Variants in HDAC9 observed in about 807,000 individuals in gnomAD.
HDAC9 encodes the protein histone deacetylase 9, also known as MEF-2 interacting transcription repressor (MITR) protein.
In HDAC9, 41 loss-of-function variants were observed where a neutral mutation model predicts 139.4. The observed-to-expected ratio is 0.29, with a 90% CI of 0.23 to 0.38. The LOEUF (loss-of-function observed/expected upper bound fraction) is 0.38, where lower values mean the gene tolerates loss of function less well. HDAC9 is among the 10% of genes least tolerant of loss of function. HDAC9 has a pLI of 1.00. For synonymous variants in HDAC9, 517 were observed against 476.2 expected, an observed-to-expected ratio of 1.09 and a Z score of -1.12; for missense variants, 1,147 against 1,297.0, an observed-to-expected ratio of 0.88 and a Z score of 1.78.
intron 16 of HDAC9, among the ~76,000 whole-genome samples, chr7:18,779,913 A>G (rs1791098316): frequency 6.6e-6 from 1 of 152,030 alleles, no homozygotes; most frequent in Non-Finnish European, 1.5e-5. Context: ...AAATAAAGGG[A>G]GGGAGGACAT....
At chr7:18,438,272 A>G (rs1277149319) in intron 1 of HDAC9, among the ~76,000 whole-genome samples, 1 of 152,094 alleles carries the variant, frequency 6.6e-6, no homozygotes, top group Admixed American at 6.6e-5. Context: ...AGTTAATATG[A>G]GATACCTTTA....
intron 3 of HDAC9, among the ~76,000 whole-genome samples, chr7:18,589,503 C>T (rs1830360817): frequency 6.6e-6 from 1 of 152,052 alleles, no homozygotes; most frequent in Non-Finnish European, 1.5e-5. Context: ...CACTGCAATC[C>T]AGCCTGGGCA....
chr7:18,984,365 G>T (rs1191364879), intron 25 of HDAC9, among the ~76,000 whole-genome samples: 1 of 152,106 alleles, frequency 6.6e-6, no homozygotes, highest in East Asian at 1.9e-4. Flanking sequence ...GGTAGAAAGG[G>T]ATCATGGCAC....
chr7:18,888,745 A>G (rs1227086235), intron 22 of HDAC9, among the ~76,000 whole-genome samples: 3 of 152,174 alleles, frequency 2.0e-5, no homozygotes, highest in African/African-American at 7.2e-5. Flanking sequence ...TGTAAAATAC[A>G]TATTTATTTT....
chr7:18,169,898 C>G (rs371562223), intron 2 of HDAC9, among the ~76,000 whole-genome samples: 4 of 152,134 alleles, frequency 2.6e-5, no homozygotes, highest in Non-Finnish European at 2.9e-5. Context: ...TTTGCTATTG[C>G]GAATAGTGCC....
intron 1 of HDAC9, among the ~76,000 whole-genome samples, chr7:18,398,510 C>T (rs1393153203): frequency 1.3e-5 from 2 of 152,010 alleles, no homozygotes; most frequent in Non-Finnish European, 2.9e-5. Flanking sequence ...TAGCTTACAA[C>T]ATTTGCCTTT....
rs376388530 is a variant in HDAC9, at chr7:18,634,750, C to G, written c.912+8C>G. 131 of 1,542,586 alleles carry G rather than the reference C, an allele frequency of 8.5e-5. No individual in the cohort carries two copies. The African/African-American group carries it at 1.5e-3, about 18-fold the overall frequency. ...CCTACCCCTCATGCCGAGGTAAGAC[C>G]CTTATTATTTTGTTTCTTTTAAAAA... On this transcript the variant is annotated splice_region_variant and intron_variant, in intron 8 of 25. Coordinates refer to ENST00000686413, the MANE Select transcript of HDAC9 (RefSeq NM_178425.4).
chr7:18,754,286 A>G (rs1483849361), intron 14 of HDAC9, among the ~76,000 whole-genome samples: 2 of 152,086 alleles, frequency 1.3e-5, no homozygotes, highest in African/African-American at 2.4e-5. Flanking sequence ...TGTCCTCTTC[A>G]GAAACAAGCT....
chr7:18,188,364 A>G (rs1344696082), intron 2 of HDAC9, among the ~76,000 whole-genome samples: 1 of 152,222 alleles, frequency 6.6e-6, no homozygotes, highest in African/African-American at 2.4e-5. Context: ...TGGATTAAAG[A>G]CTTAAATGTA....
chr7:18,510,848 G>A (rs533044751), intron 2 of HDAC9, among the ~76,000 whole-genome samples: 117 of 152,228 alleles, frequency 7.7e-4, no homozygotes, highest in African/African-American at 2.7e-3. Flanking sequence ...TGTGTATGTG[G>A]GAAAGGAATG....
chr7:18,579,473 CAGGTT>C (rs1233619558), intron 2 of HDAC9, among the ~76,000 whole-genome samples: 1 of 152,184 alleles, frequency 6.6e-6, no homozygotes, highest in Non-Finnish European at 1.5e-5. Flanking sequence ...CAAACTCTCA[CAGGTT>C]TCCATGCATG....
chr7:18,373,286 CATTT>C (rs1784734678), intron 1 of HDAC9, among the ~76,000 whole-genome samples: 1 of 151,820 alleles, frequency 6.6e-6, no homozygotes, highest in African/African-American at 2.4e-5. Context: ...TATGTTTCTT[CATTT>C]ATTTCAAGTT....
rs557399759 is a variant in HDAC9, at chr7:18,256,241, A to T, written c.25+93892A>T. Among the ~76,000 whole-genome samples the T allele has an allele frequency of 4.0e-4, 61 of 152,194 alleles. 1 individual carries two copies. The highest frequency in any genetic ancestry group is 6.8e-4 in the Non-Finnish European group (46 of 68,032). ...TAAGCAGAAAGTAATATTGATTCTG[A>T]CTACGTGGAAAGTGGGGTGGTAGGT... On this transcript the variant is annotated intron_variant, in intron 2 of 12. Coordinates refer to the HDAC9 transcript ENST00000417496.
chr7:18,335,398 T>C (rs1472083347), intron 1 of HDAC9, among the ~76,000 whole-genome samples: 1 of 151,508 alleles, frequency 6.6e-6, no homozygotes, highest in Non-Finnish European at 1.5e-5. Flanking sequence ...TCCCATCTCA[T>C]GGTTCCTTTT....
chr7:18,618,186 C>T (rs1839191865), intron 6 of HDAC9, among the ~76,000 whole-genome samples: 1 of 152,030 alleles, frequency 6.6e-6, no homozygotes, highest in Non-Finnish European at 1.5e-5. Flanking sequence ...ATTTACTATA[C>T]TTATTGTAGT....
At chr7:18,645,301 C>T (rs956408994) in intron 9 of HDAC9, among the ~76,000 whole-genome samples, 28 of 152,154 alleles carry the variant, frequency 1.8e-4, no homozygotes, top group Non-Finnish European at 4.4e-5. Flanking sequence ...GTTACTGACT[C>T]TCTGGTACTG....
chr7:18,174,297 A>G (rs1381114768), intron 2 of HDAC9, among the ~76,000 whole-genome samples: 6 of 152,138 alleles, frequency 3.9e-5, no homozygotes, highest in Non-Finnish European at 5.9e-5. Flanking sequence ...TTTCAGCTCC[A>G]TCAGGTCATT....
intron 13 of HDAC9, among the ~76,000 whole-genome samples, chr7:18,746,307 C>T (rs1787974099): frequency 6.6e-6 from 1 of 152,022 alleles, no homozygotes; most frequent in African/African-American, 2.4e-5. Flanking sequence ...CTCATAAATA[C>T]TTGATATATT....
At chr7:18,615,987 C>T (rs987607279) in intron 6 of HDAC9, among the ~76,000 whole-genome samples, 1 of 152,100 alleles carries the variant, frequency 6.6e-6, no homozygotes, top group Non-Finnish European at 1.5e-5. Flanking sequence ...GGGAATGAAT[C>T]CCTCTCCTTG....
Sources: allele counts gnomAD v4.1 joint callset (sites outside exome capture counted in the v4.1 genomes callset), GRCh38; gene constraint gnomAD v4.1.1; transcripts MANE v1.5; gene names NCBI Gene and HGNC (gene_info 2026-07-23, HGNC 2026-07-21).